The following CRNKL1 variants were observed in gnomAD, a reference collection of about 807,000 sequenced individuals.
The protein encoded by CRNKL1 is crooked neck-like protein 1.
In CRNKL1, 35 loss-of-function variants were observed where a neutral mutation model predicts 103.7. The ratio of observed to expected loss-of-function variants is 0.34; its 90% CI spans 0.26 to 0.45. The LOEUF (loss-of-function observed/expected upper bound fraction) is 0.45. Among genes scored for constraint, CRNKL1 ranks in the 20% least tolerant of loss-of-function variants. CRNKL1 has a pLI of 1.00. For synonymous variants in CRNKL1, 267 were observed against 282.6 expected (o/e 0.94, Z 0.55); for missense variants, 645 against 836.0 (o/e 0.77, Z 2.82).
intron 2 of CRNKL1, 88 bp downstream of exon 2, chr20:20,050,382 C>T: frequency 8.5e-7 from 1 of 1,181,622 alleles, no homozygotes; most frequent in Non-Finnish European, 1.2e-6. Context: ...CTCATCTTGC[C>T]CTACAGAATC....
chr20:20,045,090 C>CA (rs971713287), intron 6 of CRNKL1, among the ~76,000 whole-genome samples: 5 of 152,038 alleles, frequency 3.3e-5, no homozygotes, highest in African/African-American at 1.2e-4. Context: ...AAACAAAGCA[C>CA]AATAAAATTA....
At chr20:20,055,808 G>C, upstream of CRNKL1, 1 of 658,266 alleles carries the variant, frequency 1.5e-6, no homozygotes, top group Non-Finnish European at 2.7e-6. Flanking sequence ...CTCCTTCATT[G>C]TTTTCCCTGT....
intron 5 of CRNKL1, among the ~76,000 whole-genome samples, chr20:20,045,716 G>A (rs973351904): frequency 2.2e-4 from 34 of 152,124 alleles, no homozygotes; most frequent in African/African-American, 8.2e-4. Flanking sequence ...TTTTAGTGGT[G>A]GGTATAAACT....
Position 20,039,611 on chromosome 20 carries a change from C to G in CRNKL1, c.1543G>C (p.Glu515Gln). The change falls in exon 11 of 14, where the codon GAG becomes CAG. Residue 515 changes from glutamate to glutamine, a missense_variant and splice_region_variant. Transcript: ENST00000536226. ...TATATTTGACTTGAGATGCTCACCT[C>G]TGGCATGTCTAAACGTGGCTGACTG... ...AISQPRLDMP[E>Q]VLWKSYIDFE... 1 of 1,614,176 alleles carries G rather than the reference C, an allele frequency of 6.2e-7. No individual in the cohort carries two copies. The highest frequency in any genetic ancestry group is 8.5e-7 in the Non-Finnish European group (1 of 1,180,006).
At position 20,042,410 on chromosome 20, in the gene CRNKL1, A is replaced by T; in HGVS notation, c.1079T>A (p.Val360Asp). The T allele has an allele frequency of 6.2e-7, 1 of 1,614,048 alleles. No individual in the cohort carries two copies. Among genetic ancestry groups the T allele is most frequent in the Non-Finnish European group, 8.5e-7 (1 of 1,179,908 alleles). ...REVYERAIAN[V>D]PPIQEKRHWK... ...GTGCCTCTTCTCCTGAATGGGTGGGACATTGGCAATGGCCCTTTCATAGAC... is the reference window on the plus strand; with the variant it reads ...GTGCCTCTTCTCCTGAATGGGTGGGTCATTGGCAATGGCCCTTTCATAGAC... The change falls in exon 8 of 14, where the codon GTC becomes GAC. Residue 360 changes from valine (V) to aspartate (D), a missense_variant. Physicochemically the swap from Val to Asp is radical, Grantham distance 152 (BLOSUM62 -3). Around this residue, in one of 2 missense-constraint regions of CRNKL1, gnomAD observed 582 missense variants for 707.7 expected, o/e 0.82. Transcript: ENST00000536226.
intron 10 of CRNKL1, 122 bp downstream of exon 10, chr20:20,040,564 G>A (rs143602818): frequency 2.7e-6 from 2 of 731,602 alleles, no homozygotes; most frequent in Admixed American, 5.0e-5. Flanking sequence ...CATGTCCCAG[G>A]CTATAAAGGT....
chr20:20,052,324 C>A lies in CRNKL1; in HGVS notation c.19G>T (p.Ala7Ser). 2 of 1,612,528 alleles carry A rather than the reference C, an allele frequency of 1.2e-6. No homozygotes were observed. Among genetic ancestry groups the A allele is most frequent in the Non-Finnish European group, 1.7e-6 (2 of 1,179,570 alleles). MAASTA[A>S]GKQRIPKVAK... Reference sequence around the variant, plus strand: ...ACTTTGGGAATCCGCTGCTTCCCGGCCGCGGTGGAGGCCGCCATGTCTGCA... The same window carrying A: ...ACTTTGGGAATCCGCTGCTTCCCGGACGCGGTGGAGGCCGCCATGTCTGCA... The change falls in exon 1 of 14, where the codon GCC (alanine) becomes TCC (serine). Residue 7 changes from alanine to serine, a missense_variant. Ala to Ser is a moderately conservative substitution (Grantham distance 99). Coordinates refer to ENST00000536226, the MANE Select transcript of CRNKL1 (RefSeq NM_001278628.2).
Position 20,042,315 on chromosome 20 carries a change from G to T in CRNKL1, c.1164+10C>A. 1 of 1,581,818 alleles carries T rather than the reference G, an allele frequency of 6.3e-7. No homozygotes were observed. The highest frequency in any genetic ancestry group is 8.6e-7 in the Non-Finnish European group (1 of 1,163,760). On this transcript the variant is annotated intron_variant, in intron 8 of 13. Coordinates refer to ENST00000536226, the MANE Select transcript of CRNKL1 (RefSeq NM_001278628.2). ...CCATTATCAGCTGACACATAATTCT[G>T]TTTTTTCACCTTTGCCTCCAATTCT... is the stretch of plus-strand genomic sequence containing the variant.
At position 20,052,449 on chromosome 20, in the gene CRNKL1, G is replaced by C. The variant is rs768591710; in HGVS notation, c.-107C>G. 1.2e-6 allele frequency: 2 copies of C among 1,614,248 alleles called. No individual in the cohort carries two copies. The highest frequency in any genetic ancestry group is 1.7e-5 in the Admixed American group (1 of 60,028). ...GCTTTCAGAAAACAAACAGGATCTC[G>C]GAACCGGAAGCGGAACTTGCAGGAC... On this transcript the variant is annotated 5_prime_UTR_variant, in exon 1 of 14. Transcript: ENST00000536226.
chr20:20,055,875 G>T, upstream of CRNKL1: 1 of 1,155,080 alleles, frequency 8.7e-7, no homozygotes, highest in Non-Finnish European at 1.3e-6. Flanking sequence ...GGAAAGAAGG[G>T]AGGGAAAGAG....
At chr20:20,050,989 G>T (rs1386311892) in intron 1 of CRNKL1, among the ~76,000 whole-genome samples, 1 of 152,206 alleles carries the variant, frequency 6.6e-6, no homozygotes, top group African/African-American at 2.4e-5. Context: ...ATTACAACCT[G>T]CATTTACAGA....
upstream of CRNKL1, among the ~76,000 whole-genome samples, chr20:20,053,657 G>C (rs1199407819): frequency 6.6e-6 from 1 of 152,164 alleles, no homozygotes; most frequent in Non-Finnish European, 1.5e-5. Flanking sequence ...CAGATTTCTA[G>C]AACTGCAGTC....
upstream of CRNKL1, chr20:20,052,767 C>CG (rs759117358): frequency 2.2e-5 from 34 of 1,543,194 alleles, no homozygotes; most frequent in Admixed American, 1.8e-4. Context: ...TGCTCGAGGG[C>CG]GGGGGAAGAA....
At chr20:20,049,292 T>A (rs1600253900) in intron 3 of CRNKL1, 48 bp downstream of exon 3, 1 of 1,025,398 alleles carries the variant, frequency 9.8e-7, no homozygotes, top group Non-Finnish European at 1.5e-6. Flanking sequence ...TTGGTATCTG[T>A]TAATCTATGA....
chr20:20,051,658 G>A (rs1220138236), intron 1 of CRNKL1, among the ~76,000 whole-genome samples: 1 of 152,200 alleles, frequency 6.6e-6, no homozygotes, highest in Admixed American at 6.5e-5. Context: ...AAAGACTGGA[G>A]GGAGGGTATC....
At chr20:20,042,289 A>C in intron 8 of CRNKL1, 36 bp downstream of exon 8, 1 of 1,526,110 alleles carries the variant, frequency 6.6e-7, no homozygotes, top group Non-Finnish European at 8.8e-7. Flanking sequence ...AAGACAGGAA[A>C]CCATTATCAG....
chr20:20,042,633 TA>T, intron 7 of CRNKL1, 117 bp from the exon 8 acceptor site: 1 of 866,048 alleles, frequency 1.2e-6, no homozygotes, highest in Middle Eastern at 2.4e-4. Flanking sequence ...CCTTTTCTTC[TA>T]AATGTTACAT....
At position 20,050,465 on chromosome 20, in the gene CRNKL1, C is replaced by T; in HGVS notation, c.204+5G>A. The stretch of plus-strand genomic sequence containing the variant: ...AGTGGACTGAAAGATACCACACTGA[C>T]TGACCTTCCTTTTCCTTAGTTTATA... On this transcript the variant is annotated splice_donor_5th_base_variant and intron_variant, in intron 2 of 13. Coordinates refer to ENST00000536226, the MANE Select transcript of CRNKL1 (RefSeq NM_001278628.2). The T allele has an allele frequency of 6.2e-7, 1 of 1,612,062 alleles. No individual in the cohort carries two copies. Among genetic ancestry groups the T allele is most frequent in the Non-Finnish European group, 8.5e-7 (1 of 1,179,196 alleles).
At chr20:20,040,537 G>A in intron 10 of CRNKL1, 149 bp downstream of exon 10, 1 of 649,554 alleles carries the variant, frequency 1.5e-6, no homozygotes, top group Non-Finnish European at 2.7e-6. Context: ...TTTTTACAGA[G>A]GACGCATGTT....
Sources: allele counts gnomAD v4.1 joint callset (sites outside exome capture counted in the v4.1 genomes callset), GRCh38; gene constraint gnomAD v4.1.1; regional missense constraint gnomAD v4.1.1; transcripts MANE v1.5; gene names NCBI Gene and HGNC (gene_info 2026-07-23, HGNC 2026-07-21).